The following NFE2L2 variants were observed in gnomAD, a reference collection of about 807,000 sequenced individuals.
NFE2L2 encodes NFE2 like bZIP transcription factor 2.
A neutral mutation model predicts 49.6 loss-of-function variants in NFE2L2; 20 were observed. The observed-to-expected ratio is 0.40, with a 90% confidence interval of 0.28 to 0.59. The LOEUF (loss-of-function observed/expected upper bound fraction) is 0.59, where lower values mean the gene tolerates loss of function less well. Ranked by LOEUF, NFE2L2 falls within the 20% of genes least tolerant of loss-of-function variation. The pLI, the probability that NFE2L2 is intolerant of heterozygous loss-of-function variation, is 0.40. For synonymous variants in NFE2L2, 244 were observed against 256.5 expected (o/e 0.95, Z 0.47); for missense variants, 578 against 714.2 (o/e 0.81, Z 2.17).
intron 1 of NFE2L2, among the ~76,000 whole-genome samples, chr2:177,255,005 A>C (rs58549185): frequency 6.6e-6 from 1 of 152,214 alleles, no homozygotes. Context: ...TGAAAGACTA[A>C]TTGTTTCCTC....
In NFE2L2 at chr2:177,264,434, G is replaced by A. The variant is rs564782304; in HGVS notation, c.45+98C>T. On this transcript the variant is annotated intron_variant, in intron 1 of 4. Coordinates refer to ENST00000397062, the MANE Select transcript of NFE2L2 (RefSeq NM_006164.5). ...CGGTCCTGGCTCTGGCCAGACGTGG[G>A]GGAAGCCGGTTGCGGCTGTCCCTCC... The A allele has an allele frequency of 2.9e-4, 380 of 1,298,802 alleles. 2 individuals are homozygous for A. The African/African-American group carries it at 5.0e-3, about 17-fold the overall frequency. The allele number at this position is 1,298,802 out of a possible 1,614,324, so 80.5% of individuals were successfully genotyped here. A position where few individuals can be genotyped will look rare whatever the true frequency, so the allele number is the denominator to read the frequency against.
rs1310991005 is a variant in NFE2L2, at chr2:177,253,206, A to G, written c.45+11326T>C. On this transcript the variant is annotated intron_variant, in intron 1 of 4. Coordinates refer to ENST00000397062, the MANE Select transcript of NFE2L2 (RefSeq NM_006164.5). ...CAGTTCCTCCAGGATATCCTCTCTG[A>G]GCACCCCAGTTAGAAGTCACATTTT... 3.3e-5 allele frequency among the ~76,000 whole-genome samples: 5 copies of G among 152,314 alleles called. No individual in the cohort carries two copies. The East Asian group carries it at 9.6e-4, about 29-fold the overall frequency.
intron 2 of NFE2L2, chr2:177,233,658 C>T (rs941653988): frequency 4.0e-6 from 2 of 498,504 alleles, no homozygotes; most frequent in Non-Finnish European, 7.1e-6. Flanking sequence ...GTTCTTAAAA[C>T]AGTGCTTGCC....
In NFE2L2 at chr2:177,254,721, A is replaced by G. The variant is rs1260742336; in HGVS notation, c.45+9811T>C. On this transcript the variant is annotated intron_variant, in intron 1 of 4. Coordinates refer to ENST00000397062, the MANE Select transcript of NFE2L2 (RefSeq NM_006164.5). ...CCCTCATTCTTTAGCAGCTGACAGA[A>G]TGTCTGTAGGTCATTAGACAATGAA... is the stretch of plus-strand genomic sequence containing the variant. 2.0e-5 allele frequency among the ~76,000 whole-genome samples: 3 copies of G among 152,324 alleles called. No homozygotes were observed. The East Asian group carries it at 5.8e-4, about 29-fold the overall frequency.
At chr2:177,233,732 C>T in intron 2 of NFE2L2, 3 of 547,612 alleles carry the variant, frequency 5.5e-6, no homozygotes, top group Non-Finnish European at 9.6e-6. Context: ...GTTGCTGCTA[C>T]TTGATCCTTA....
At chr2:177,255,532 C>T (rs1355335896) in intron 1 of NFE2L2, among the ~76,000 whole-genome samples, 1 of 152,014 alleles carries the variant, frequency 6.6e-6, no homozygotes, top group African/African-American at 2.4e-5. Flanking sequence ...ACAAAGTAAA[C>T]CAGCCCTGTT....
intron 1 of NFE2L2, among the ~76,000 whole-genome samples, chr2:177,253,975 G>A (rs555551052): frequency 9.9e-5 from 15 of 152,246 alleles, no homozygotes; most frequent in African/African-American, 2.9e-4. Context: ...TCAGAAAAAG[G>A]ATGAGAAGTG....
intron 1 of NFE2L2, among the ~76,000 whole-genome samples, chr2:177,262,295 A>G (rs2105499093): frequency 6.6e-6 from 1 of 152,366 alleles, no homozygotes; most frequent in Middle Eastern, 3.4e-3. Context: ...TTCATCCCTC[A>G]TCTAGGAAAG....
At position 177,233,224 on chromosome 2, in the gene NFE2L2, A is replaced by G. The variant is rs764160871; in HGVS notation, c.402+26T>C. 65 of 1,545,486 alleles carry G rather than the reference A, an allele frequency of 4.2e-5. No individual in the cohort carries two copies. In the Admixed American group the frequency reaches 1.3e-3, roughly 30 times the overall value. On this transcript the variant is annotated intron_variant, in intron 3 of 4. Coordinates refer to ENST00000397062, the MANE Select transcript of NFE2L2 (RefSeq NM_006164.5). The stretch of plus-strand genomic sequence containing the variant: ...TTTATAGTTATGATGGAGTTTTTCT[A>G]TTAACCAGGTTATTTTATACCTCAC...
At chr2:177,251,176 G>T (rs1256316958) in intron 1 of NFE2L2, among the ~76,000 whole-genome samples, 3 of 152,186 alleles carry the variant, frequency 2.0e-5, no homozygotes, top group Non-Finnish European at 4.4e-5. Flanking sequence ...AAGGGTCTTA[G>T]ATTTTCTTTC....
At chr2:177,237,734 G>A (rs1178333726) in intron 1 of NFE2L2, among the ~76,000 whole-genome samples, 2 of 152,092 alleles carry the variant, frequency 1.3e-5, no homozygotes, top group Admixed American at 1.3e-4. Context: ...GGCCAGGCTG[G>A]TCTCGAACCC....
intron 1 of NFE2L2, among the ~76,000 whole-genome samples, chr2:177,260,727 G>A (rs1322905218): frequency 6.6e-6 from 1 of 152,090 alleles, no homozygotes; most frequent in Admixed American, 6.6e-5. Flanking sequence ...AAGAGCCAAT[G>A]GAACAGAAGA....
At chr2:177,251,364 G>A (rs943063360) in intron 1 of NFE2L2, among the ~76,000 whole-genome samples, 6 of 152,176 alleles carry the variant, frequency 3.9e-5, no homozygotes, top group African/African-American at 1.4e-4. Context: ...TCTGTCCCTA[G>A]ACCTTGCCTA....
chr2:177,232,873 A>C (rs764042123), intron 3 of NFE2L2: 1 of 465,838 alleles, frequency 2.1e-6, no homozygotes, highest in Non-Finnish European at 3.8e-6. Flanking sequence ...GGTACTAGAT[A>C]AAACAGATTT....
At chr2:177,234,986 C>A (rs964968375) in intron 1 of NFE2L2, among the ~76,000 whole-genome samples, 1 of 151,902 alleles carries the variant, frequency 6.6e-6, no homozygotes, top group African/African-American at 2.4e-5. Flanking sequence ...TGTGGTGGTA[C>A]GTGCCTGTAA....
chr2:177,249,512 A>AT (rs775636281), intron 1 of NFE2L2, among the ~76,000 whole-genome samples: 5 of 152,206 alleles, frequency 3.3e-5, no homozygotes, highest in East Asian at 1.9e-4. Context: ...GAAAATAATG[A>AT]TTTTTTTTAA....
chr2:177,252,288 A>G (rs1302374015), intron 1 of NFE2L2, among the ~76,000 whole-genome samples: 1 of 152,206 alleles, frequency 6.6e-6, no homozygotes, highest in Admixed American at 6.5e-5. Context: ...AAAGGGCAGA[A>G]GAGTTTGTCA....
chr2:177,257,884 G>T (rs1351617349), intron 1 of NFE2L2, among the ~76,000 whole-genome samples: 1 of 152,238 alleles, frequency 6.6e-6, no homozygotes, highest in Non-Finnish European at 1.5e-5. Flanking sequence ...GTTTCATCCT[G>T]AAACCATCCT....
chr2:177,230,823 C>G lies in NFE2L2; in HGVS notation c.1780G>C (p.Val594Leu), dbSNP rs2105450793. The G allele has an allele frequency of 6.3e-7, 1 of 1,591,542 alleles. No individual in the cohort carries two copies. The highest frequency in any genetic ancestry group is 1.2e-5 in the South Asian group (1 of 85,732). Residue 594 changes from valine (V) to leucine (L), a missense_variant, in exon 5 of 5, where the codon GTT becomes CTT. Coordinates refer to ENST00000397062, the MANE Select transcript of NFE2L2 (RefSeq NM_006164.5). ...QQTRDGNVFL[V>L]PKSKKPDVKK... is the part of the protein sequence containing the mutation. ...ACATCTGGCTTCTTACTTTTGGGAA[C>G]AAGGAAAACATTGCCATCTCTTGTT... is the stretch of plus-strand genomic sequence containing the variant.
Sources: allele counts gnomAD v4.1 joint callset (sites outside exome capture counted in the v4.1 genomes callset), GRCh38; gene constraint gnomAD v4.1.1; transcripts MANE v1.5; gene names NCBI Gene and HGNC (gene_info 2026-07-23, HGNC 2026-07-21).